VRTN: variants seen among roughly 807,000 people sequenced by gnomAD.
VRTN encodes the protein vertebrae development associated, also known as vertnin.
In VRTN, 5 loss-of-function variants were observed where a neutral mutation model predicts 18.2. That is an observed-to-expected ratio of 0.27 (90% CI 0.14 to 0.58). The LOEUF (loss-of-function observed/expected upper bound fraction) is 0.58. Among genes scored for constraint, VRTN ranks in the 20% least tolerant of loss-of-function variants. The pLI is 0.91. For missense variants in VRTN, 741 were observed against 939.4 expected, an observed-to-expected ratio of 0.79 and a Z score of 2.76; for synonymous variants, 381 against 393.7, an observed-to-expected ratio of 0.97 and a Z score of 0.38.
intron 1 of VRTN, among the ~76,000 whole-genome samples, chr14:74,311,981 G>A (rs975212426): frequency 2.6e-5 from 4 of 151,932 alleles, no homozygotes; most frequent in African/African-American, 9.7e-5. Flanking sequence ...TGTTGGCCAG[G>A]CTGGTCTTGA....
chr14:74,347,400 C>T (rs1279526149), upstream of VRTN, among the ~76,000 whole-genome samples: 1 of 152,166 alleles, frequency 6.6e-6, no homozygotes, highest in Non-Finnish European at 1.5e-5. Context: ...CTTCCAGTGC[C>T]CCTGGGAAAG....
intron 2 of VRTN, among the ~76,000 whole-genome samples, chr14:74,338,567 GT>G (rs1284509897): frequency 1.3e-5 from 2 of 152,074 alleles, no homozygotes; most frequent in East Asian, 3.9e-4. Flanking sequence ...TTTGTTTTTT[GT>G]TTTAGAGATA....
intron 1 of VRTN, among the ~76,000 whole-genome samples, chr14:74,310,282 A>T (rs2140191531): frequency 6.6e-6 from 1 of 151,566 alleles, no homozygotes. Flanking sequence ...CTGTAGTCCC[A>T]GCTACTCGGG....
intron 1 of VRTN, among the ~76,000 whole-genome samples, chr14:74,317,839 A>T (rs377179684): frequency 6.6e-6 from 1 of 151,556 alleles, no homozygotes; most frequent in Non-Finnish European, 1.5e-5. Context: ...CAAAATCTCA[A>T]TGGTGGCTGG....
At chr14:74,331,362 T>C (rs1489098081) in intron 1 of VRTN, among the ~76,000 whole-genome samples, 5 of 150,664 alleles carry the variant, frequency 3.3e-5, no homozygotes, top group Non-Finnish European at 7.4e-5. Flanking sequence ...ACTCTGTCTC[T>C]ACTAAAAACA....
At position 74,358,161 on chromosome 14, in the gene VRTN, G is replaced by A; in HGVS notation, c.1378G>A (p.Gly460Arg). 1 of 1,614,092 alleles carries A rather than the reference G, an allele frequency of 6.2e-7. No homozygotes were observed. The change falls in exon 2 of 2, where the codon GGG (glycine) becomes AGG (arginine). Residue 460 changes from glycine to arginine, a missense_variant. By Grantham distance (125) the Gly-to-Arg change is moderately radical (BLOSUM62 -2). Coordinates refer to ENST00000256362, the MANE Select transcript of VRTN (RefSeq NM_018228.3). The surrounding 1 kb of genome is among the most constrained non-coding windows in gnomAD (Gnocchi z 5.4). Reference sequence around the variant, plus strand: ...GCCGGCACCAGCCCTCTCTGCTGCTGGGACTCCCCAGCTAGCATCTGTTGG... The same window carrying A: ...GCCGGCACCAGCCCTCTCTGCTGCTAGGACTCCCCAGCTAGCATCTGTTGG... Reference protein sequence around the residue: ...FKPAPALSAAGTPQLASVGEG... With the variant: ...FKPAPALSAARTPQLASVGEG...
Position 74,358,919 on chromosome 14 carries a change from G to A in VRTN, c.*27G>A, listed in dbSNP as rs532756956. ...AGGGAGGTACAAAAGGGGCTGGGAA[G>A]AAGGGGGACCAGTTTGGAGAGGGTC... On this transcript the variant is annotated 3_prime_UTR_variant, in exon 2 of 2. Transcript: ENST00000256362. This position sits in a 1 kb window ranked among gnomAD's most constrained non-coding sequence, Gnocchi z 5.4. 2.3e-5 allele frequency: 36 copies of A among 1,584,828 alleles called. No homozygotes were observed. The African/African-American group carries it at 4.2e-4, about 18-fold the overall frequency.
In VRTN at chr14:74,313,638, A is replaced by C. The variant is rs375083368; in HGVS notation, c.-164+10462A>C. Among the ~76,000 whole-genome samples, 5 of 152,094 alleles carry C rather than the reference A, an allele frequency of 3.3e-5. No homozygotes were observed. In the South Asian group the frequency reaches 6.2e-4, roughly 19 times the overall value. On this transcript the variant is annotated intron_variant, in intron 1 of 2. Coordinates refer to the VRTN transcript ENST00000557177. The stretch of plus-strand genomic sequence containing the variant: ...TCTGAAACCATCTTGGCCTCTTTCC[A>C]CCCTGGAATCATTTTGGAAAGATTA...
chr14:74,357,971 C>G lies in VRTN; in HGVS notation c.1188C>G (p.Ser396Arg). 1 of 1,614,178 alleles carries G rather than the reference C, an allele frequency of 6.2e-7. No homozygotes were observed. Among genetic ancestry groups the G allele is most frequent in the Non-Finnish European group, 8.5e-7 (1 of 1,180,038 alleles). The change falls in exon 2 of 2, where the codon AGC becomes AGG. Residue 396 changes from serine (S) to arginine (R), a missense_variant. Physicochemically the swap from Ser to Arg is moderately radical, Grantham distance 110. Coordinates refer to ENST00000256362, the MANE Select transcript of VRTN (RefSeq NM_018228.3). This position sits in a 1 kb window ranked among gnomAD's most constrained non-coding sequence, Gnocchi z 7.8. ...ELECSALAVS[S>R]PGMVLMQRAK... ...AGTGCTCCGCACTGGCGGTGTCAAG[C>G]CCTGGAATGGTCTTAATGCAGCGGG...
chr14:74,329,131 T>A (rs2085505650), intron 1 of VRTN, among the ~76,000 whole-genome samples: 1 of 151,884 alleles, frequency 6.6e-6, no homozygotes, highest in African/African-American at 2.4e-5. Flanking sequence ...CAAAATTAGC[T>A]GGGCATGGTG....
intron 1 of VRTN, among the ~76,000 whole-genome samples, chr14:74,353,816 G>A (rs953078442): frequency 4.6e-5 from 7 of 151,744 alleles, no homozygotes; most frequent in Non-Finnish European, 8.8e-5. Flanking sequence ...TCCGCCTCCC[G>A]GGTTCACGCC....
chr14:74,340,176 G>C (rs934375347), intron 2 of VRTN, among the ~76,000 whole-genome samples: 14 of 147,958 alleles, frequency 9.5e-5, no homozygotes, highest in Admixed American at 4.2e-4. Context: ...GCAAGGGCAC[G>C]ATCTCAGCTC....
intron 2 of VRTN, among the ~76,000 whole-genome samples, chr14:74,340,056 C>T (rs2140205963): frequency 6.6e-6 from 1 of 151,868 alleles, no homozygotes; most frequent in Non-Finnish European, 1.5e-5. Flanking sequence ...CTTCCTCAGC[C>T]TTCCCAATAG....
chr14:74,329,429 T>C (rs770399266), intron 1 of VRTN, among the ~76,000 whole-genome samples: 2 of 151,176 alleles, frequency 1.3e-5, no homozygotes, highest in Non-Finnish European at 2.9e-5. Flanking sequence ...TTTTGTTTGT[T>C]TGTTTGTTTG....
chr14:74,311,203 G>A (rs930113187), intron 1 of VRTN, among the ~76,000 whole-genome samples: 2 of 151,938 alleles, frequency 1.3e-5, no homozygotes, highest in African/African-American at 4.8e-5. Flanking sequence ...TGAAAAGCAT[G>A]TGGTTAAAAA....
chr14:74,318,373 T>C (rs535390431), intron 1 of VRTN, among the ~76,000 whole-genome samples: 2 of 150,184 alleles, frequency 1.3e-5, no homozygotes, highest in East Asian at 4.0e-4. Flanking sequence ...TGGATTCAAG[T>C]GATTCTCCTG....
rs562682007 is a variant in VRTN, at chr14:74,303,328, A to G, written c.-164+152A>G. On this transcript the variant is annotated intron_variant, in intron 1 of 2. Transcript: ENST00000557177. Reference sequence around the variant, plus strand: ...CACTTTGGAAGGCCAAGGCGGGAGGATCGCTTGAGCCCAGGAATTCAAGAC... The same window carrying G: ...CACTTTGGAAGGCCAAGGCGGGAGGGTCGCTTGAGCCCAGGAATTCAAGAC... 3.9e-5 allele frequency among the ~76,000 whole-genome samples: 6 copies of G among 152,310 alleles called. No individual in the cohort carries two copies. In the South Asian group the frequency reaches 1.2e-3, roughly 32 times the overall value.
intron 1 of VRTN, among the ~76,000 whole-genome samples, chr14:74,332,531 A>G (rs2140202590): frequency 6.6e-6 from 1 of 150,448 alleles, no homozygotes; most frequent in African/African-American, 2.4e-5. Flanking sequence ...ATTTTTTTGT[A>G]TTTTTAGTAG....
At chr14:74,325,431 T>TCAAAAAA (rs3043733) in intron 1 of VRTN, among the ~76,000 whole-genome samples, 88,079 of 150,722 alleles carry the variant, frequency 0.58, 27,444 homozygotes, top group East Asian at 0.83. Context: ...AAACCAAAGG[T>TCAAAAAA]CAAAAAACAA....
Sources: gnomAD v4.1 joint callset for allele counts (sites outside exome capture counted in the v4.1 genomes callset) on GRCh38, gnomAD v4.1.1 for gene constraint, Gnocchi (gnomAD v3.1) non-coding constraint, MANE v1.5 for transcripts, NCBI Gene and HGNC (gene_info 2026-07-23, HGNC 2026-07-21) for gene names.